TYW1B: variants seen among roughly 807,000 people sequenced by gnomAD.
TYW1B encodes tRNA-yW synthesizing protein 1 homolog B, also known as S-adenosyl-L-methionine-dependent tRNA 4-demethylwyosine synthase TYW1B.
Under a neutral mutation model 86.9 loss-of-function variants are expected in TYW1B, and 73 were observed. The observed-to-expected ratio is 0.84, with a 90% CI of 0.70 to 1.02. TYW1B has a LOEUF of 1.02. Among genes scored for constraint, TYW1B ranks in the 50% least tolerant of loss-of-function variants. TYW1B has a pLI of 0.00. For missense variants in TYW1B, 637 were observed against 827.4 expected, an observed-to-expected ratio of 0.77 and a Z score of 2.82; for synonymous variants, 248 against 292.8, an observed-to-expected ratio of 0.85 and a Z score of 1.56.
intron 13 of TYW1B, among the ~76,000 whole-genome samples, chr7:72,589,363 T>C (rs1355244088): frequency 2.6e-5 from 4 of 152,208 alleles, no homozygotes; most frequent in African/African-American, 7.2e-5. Flanking sequence ...GGGAAGGCAA[T>C]AGAGGAATAT....
At chr7:72,680,820 A>C (rs1277153388) in intron 11 of TYW1B, among the ~76,000 whole-genome samples, 1 of 152,248 alleles carries the variant, frequency 6.6e-6, no homozygotes, top group Non-Finnish European at 1.5e-5. Flanking sequence ...GAAGTATGAT[A>C]GAAATGAGGT....
chr7:72,679,921 G>C (rs1813828531), intron 11 of TYW1B, among the ~76,000 whole-genome samples: 1 of 152,198 alleles, frequency 6.6e-6, no homozygotes, highest in African/African-American at 2.4e-5. Flanking sequence ...CTTGACGCCA[G>C]GAGTTCGAGA....
At position 72,654,931 on chromosome 7, in the gene TYW1B, G is replaced by A. The variant is rs147050474; in HGVS notation, c.1507-25934C>T. Among the ~76,000 whole-genome samples, 637 of 152,266 alleles carry A rather than the reference G, an allele frequency of 4.2e-3. 2 individuals are homozygous for A. Among genetic ancestry groups the A allele is most frequent in the South Asian group, 0.011 (51 of 4,822 alleles). On this transcript the variant is annotated intron_variant, in intron 11 of 13. Transcript: ENST00000620995. The stretch of plus-strand genomic sequence containing the variant: ...GTTCATAAATTGTAACAAATGAACC[G>A]TAGTAATGTAAGACGTTAACAATAA...
At chr7:72,759,079 C>A (rs1430312997) in intron 7 of TYW1B, among the ~76,000 whole-genome samples, 1 of 152,152 alleles carries the variant, frequency 6.6e-6, no homozygotes, top group Non-Finnish European at 1.5e-5. Context: ...GCCTGTAATC[C>A]CAGCACCGTG....
intron 7 of TYW1B, among the ~76,000 whole-genome samples, chr7:72,745,038 G>A (rs36076939): frequency 0.69 from 105,012 of 152,118 alleles, 37,227 homozygotes; most frequent in Non-Finnish European, 0.77. Flanking sequence ...TGTTTGTTTT[G>A]TTTTGAGACA....
chr7:72,725,273 C>T (rs3015850), intron 9 of TYW1B, among the ~76,000 whole-genome samples: 1 of 152,272 alleles, frequency 6.6e-6, no homozygotes, highest in African/African-American at 2.4e-5. Context: ...GGAAGGACAT[C>T]CCAGCAGAAA....
At chr7:72,679,561 G>A (rs1813819214) in intron 11 of TYW1B, among the ~76,000 whole-genome samples, 1 of 152,198 alleles carries the variant, frequency 6.6e-6, no homozygotes, top group African/African-American at 2.4e-5. Context: ...TAATGGGTAT[G>A]AAGTTTCATA....
At chr7:72,732,539 G>C (rs1477286778) in intron 8 of TYW1B, among the ~76,000 whole-genome samples, 1 of 152,088 alleles carries the variant, frequency 6.6e-6, no homozygotes, top group Non-Finnish European at 1.5e-5. Flanking sequence ...AAGAAAGCAA[G>C]AAGAAAATTT....
At chr7:72,680,621 G>A (rs1449884743) in intron 11 of TYW1B, among the ~76,000 whole-genome samples, 10 of 152,244 alleles carry the variant, frequency 6.6e-5, no homozygotes, top group South Asian at 2.1e-4. Context: ...CCTTGTGATA[G>A]TGCGAGTCAA....
intron 11 of TYW1B, among the ~76,000 whole-genome samples, chr7:72,658,879 C>T (rs1352461384): frequency 2.0e-5 from 3 of 152,094 alleles, no homozygotes; most frequent in African/African-American, 4.8e-5. Flanking sequence ...CACCACAACA[C>T]CCAGCTAATT....
At chr7:72,591,361 A>G (rs1554431374) in intron 13 of TYW1B, among the ~76,000 whole-genome samples, 2 of 152,162 alleles carry the variant, frequency 1.3e-5, no homozygotes, top group African/African-American at 4.8e-5. Context: ...TCCAAGGATA[A>G]TGAACTAAAA....
chr7:72,618,967 C>T (rs1554437415), intron 12 of TYW1B, among the ~76,000 whole-genome samples: 4 of 152,298 alleles, frequency 2.6e-5, no homozygotes, highest in Middle Eastern at 3.4e-3. Flanking sequence ...AGCTTGCTGA[C>T]GTCACAGCCC....
rs1411470517 is a variant in TYW1B at position 72,717,380 on chromosome 7, C to T, written c.1193-3582G>A. Among the ~76,000 whole-genome samples, 3 of 152,068 alleles carry T rather than the reference C, an allele frequency of 2.0e-5. No individual in the cohort carries two copies. The East Asian group carries it at 5.8e-4, about 29-fold the overall frequency. ...CCCCACCAGCAATCTCCACCAGGCA[C>T]CACTTTATTTAACCCAAAACAACAG... On this transcript the variant is annotated intron_variant, in intron 9 of 13. Coordinates refer to ENST00000620995, the MANE Select transcript of TYW1B (RefSeq NM_001145440.3).
chr7:72,793,574 G>A (rs1400611177), intron 6 of TYW1B, among the ~76,000 whole-genome samples: 23 of 151,686 alleles, frequency 1.5e-4, no homozygotes, highest in African/African-American at 5.3e-4. Context: ...GTGAAACCCC[G>A]TCTCTACTAA....
chr7:72,738,182 G>T (rs2129571227), intron 8 of TYW1B, among the ~76,000 whole-genome samples: 1 of 150,648 alleles, frequency 6.6e-6, no homozygotes, highest in Non-Finnish European at 1.5e-5. Flanking sequence ...CTGGGTTCAA[G>T]CAGTTCTTCT....
chr7:72,807,267 G>A lies in TYW1B; in HGVS notation c.522C>T (p.Ser174=). The A allele has an allele frequency of 1.2e-6, 2 of 1,614,200 alleles. No homozygotes were observed. Among genetic ancestry groups the A allele is most frequent in the African/African-American group, 2.7e-5 (2 of 75,062 alleles). ...RGEGDCDVVK[S]KHGSIEANFR... ...AGTTGGCCTCAATGCTGCCGTGCTT[G>A]CTTTTAACCACGTCGCAGTCGCCCT... The change falls in exon 5 of 14, where the codon AGC becomes AGT. Residue 174 remains serine, a synonymous_variant. Transcript: ENST00000620995.
Position 72,751,834 on chromosome 7 carries a change from A to T in TYW1B, c.965-7233T>A, listed in dbSNP as rs542893995. On this transcript the variant is annotated intron_variant, in intron 7 of 13. Coordinates refer to ENST00000620995, the MANE Select transcript of TYW1B (RefSeq NM_001145440.3). ...GCCTACTTCTATGTGCTATGGTTCC[A>T]ATGGCAGTTTAATTTTCAGAACCTT... 2.0e-5 allele frequency among the ~76,000 whole-genome samples: 3 copies of T among 152,306 alleles called. No individual in the cohort carries two copies. In the South Asian group the frequency reaches 6.2e-4, roughly 32 times the overall value.
At chr7:72,763,664 C>G (rs1225281164) in intron 7 of TYW1B, among the ~76,000 whole-genome samples, 1 of 152,172 alleles carries the variant, frequency 6.6e-6, no homozygotes, top group Non-Finnish European at 1.5e-5. Context: ...TGAGTAACTA[C>G]TATTTATGAG....
intron 10 of TYW1B, among the ~76,000 whole-genome samples, chr7:72,706,851 T>C (rs1420904223): frequency 1.3e-5 from 2 of 152,184 alleles, no homozygotes; most frequent in African/African-American, 4.8e-5. Context: ...TTTTCAATGT[T>C]GGCTCCAAAA....
Sources: allele counts gnomAD v4.1 joint callset (sites outside exome capture counted in the v4.1 genomes callset), GRCh38; gene constraint gnomAD v4.1.1; transcripts MANE v1.5; gene names NCBI Gene and HGNC (gene_info 2026-07-23, HGNC 2026-07-21).